Variants in PDK3 observed in about 807,000 individuals in gnomAD.
PDK3 encodes the protein pyruvate dehydrogenase kinase, isozyme 3.
A neutral mutation model predicts 32.0 loss-of-function variants in PDK3; 12 were observed. That is an observed-to-expected ratio of 0.37 (90% CI 0.24 to 0.61). PDK3 has a LOEUF of 0.61. PDK3 is among the 20% of genes least tolerant of loss of function. The pLI, the probability that PDK3 is intolerant of heterozygous loss-of-function variation, is 0.65. For synonymous variants in PDK3, 122 were observed against 116.3 expected (o/e 1.05, Z -0.31); for missense variants, 188 against 316.9 (o/e 0.59, Z 3.09).
intron 2 of PDK3, among the ~76,000 whole-genome samples, chrX:24,497,701 T>C (rs1423332547): frequency 8.8e-6 from 1 of 113,114 alleles, no homozygotes; most frequent in Non-Finnish European, 1.9e-5. Context: ...AGTATTTATA[T>C]GTGTAACAGT....
intron 1 of PDK3, among the ~76,000 whole-genome samples, chrX:24,474,250 A>C (rs1921048147): frequency 9.0e-6 from 1 of 111,069 alleles, no homozygotes; most frequent in Non-Finnish European, 1.9e-5. Context: ...GTAACCTCTT[A>C]CAGCTTCCTC....
chrX:24,507,972 C>A (rs1208236318), intron 5 of PDK3, among the ~76,000 whole-genome samples: 1 of 111,564 alleles, frequency 9.0e-6, no homozygotes, highest in Non-Finnish European at 1.9e-5. Flanking sequence ...GCTCATTATA[C>A]TATGCTCTGT....
chrX:24,521,176 G>A (rs1922386919), intron 6 of PDK3, among the ~76,000 whole-genome samples: 1 of 108,012 alleles, frequency 9.3e-6, no homozygotes, highest in South Asian at 4.2e-4. Flanking sequence ...CTACTCAGGA[G>A]GCTGAAGTGG....
At position 24,503,492 on chromosome X, in the gene PDK3, C is replaced by T. The variant is rs1479754596; in HGVS notation, c.486C>T (p.Arg162=). ...TTTATACCAACCGCATCTCTTTCCG[C>T]ATGCTTATTAATCAGCACAGTAAGT... ...DRFYTNRISF[R]MLINQHTLLF... is the part of the protein sequence containing the mutation. Residue 162 remains arginine (R), a synonymous_variant, in exon 4 of 11, where the codon CGC becomes CGT. Coordinates refer to ENST00000379162, the MANE Select transcript of PDK3 (RefSeq NM_005391.5). 7 of 1,190,693 alleles carry T rather than the reference C, an allele frequency of 5.9e-6. No individual in the cohort carries two copies. The highest frequency in any genetic ancestry group is 7.9e-6 in the Non-Finnish European group (7 of 884,647).
chrX:24,527,522 T>G, intron 7 of PDK3, 52 bp from the exon 8 acceptor site: 2 of 729,859 alleles, frequency 2.7e-6, no homozygotes, highest in East Asian at 3.5e-5. Context: ...TCTTTAAAAA[T>G]TGTGGTTTGT....
At position 24,531,049 on chromosome X, in the gene PDK3, T is replaced by TGTG. The variant is rs1922635329; in HGVS notation, c.964-608_964-607insGTG. On this transcript the variant is annotated intron_variant, in intron 9 of 10. Transcript: ENST00000379162. ...ATTCCACTTGATTTGGAATGTGCTT[T>TGTG]TGTGTGTGTGTGTGTGTGTGTGTGT... is the stretch of plus-strand genomic sequence containing the variant. 3.1e-5 allele frequency among the ~76,000 whole-genome samples: 3 copies of TGTG among 98,171 alleles called. No homozygotes were observed. The South Asian group carries it at 1.5e-3, about 50-fold the overall frequency. The allele number at this position is 98,171 out of a possible 115,157, so 85.2% of individuals were successfully genotyped here.
intron 1 of PDK3, among the ~76,000 whole-genome samples, chrX:24,483,166 G>A (rs1921304508): frequency 8.9e-6 from 1 of 112,287 alleles, no homozygotes; most frequent in African/African-American, 3.2e-5. Flanking sequence ...CAGCTCTTTT[G>A]TGCTTTGAGA....
At chrX:24,531,053 G>GTGTA (rs749162693) in intron 9 of PDK3, among the ~76,000 whole-genome samples, 110 of 108,040 alleles carry the variant, frequency 1.0e-3, no homozygotes, top group African/African-American at 3.5e-3. Flanking sequence ...GTGCTTTTGT[G>GTGTA]TGTGTGTGTG....
At chrX:24,508,653 A>G (rs1922042140) in intron 5 of PDK3, among the ~76,000 whole-genome samples, 1 of 111,163 alleles carries the variant, frequency 9.0e-6, no homozygotes, top group Non-Finnish European at 1.9e-5. Flanking sequence ...TATGGCACTT[A>G]CTGTCTGTGT....
At chrX:24,479,967 G>A (rs926475011) in intron 1 of PDK3, among the ~76,000 whole-genome samples, 10 of 111,389 alleles carry the variant, frequency 9.0e-5, no homozygotes, top group East Asian at 2.8e-4. Flanking sequence ...TGACTCACAC[G>A]TATAATAGGT....
intron 8 of PDK3, 55 bp downstream of exon 8, chrX:24,527,730 C>A: frequency 1.5e-6 from 1 of 675,415 alleles, no homozygotes; most frequent in Non-Finnish European, 2.2e-6. Flanking sequence ...TTAATAGTAT[C>A]TAGACATTGA....
chrX:24,526,815 TAG>T (rs1438811727), intron 7 of PDK3, among the ~76,000 whole-genome samples: 5 of 111,445 alleles, frequency 4.5e-5, no homozygotes, highest in Admixed American at 2.9e-4. Flanking sequence ...CCAAATTCTT[TAG>T]AGTCTGCAAC....
Position 24,527,682 on chromosome X carries a change from GTT to G in PDK3, c.852+10_852+11del, listed in dbSNP as rs1299324385. The G allele has an allele frequency of 3.1e-6, 3 of 972,094 alleles. No individual in the cohort carries two copies. The South Asian group carries it at 6.3e-5, about 20-fold the overall frequency. 80.1% of individuals were successfully genotyped at this position (972,094 alleles called of 1,213,427 possible). ...AGAAGACTTATCCATTAAGGTAACTGTTTTATGTGCATGTATACTTTAATTAT... is the reference window on the plus strand; with the variant it reads ...AGAAGACTTATCCATTAAGGTAACTGTTATGTGCATGTATACTTTAATTAT... On this transcript the variant is annotated splice_region_variant and intron_variant, in intron 8 of 10. Transcript: ENST00000379162.
chrX:24,521,475 C>G (rs1194705585), intron 6 of PDK3, among the ~76,000 whole-genome samples: 2 of 110,376 alleles, frequency 1.8e-5, no homozygotes, highest in African/African-American at 6.6e-5. Context: ...GAGTCATGTC[C>G]CCATTGAATA....
intron 6 of PDK3, among the ~76,000 whole-genome samples, chrX:24,522,408 T>A (rs1320958540): frequency 7.2e-5 from 8 of 111,563 alleles, no homozygotes; most frequent in African/African-American, 2.3e-4. Context: ...TGCAGGTAAT[T>A]GAGCAAGCCT....
At chrX:24,479,721 G>T (rs761152026) in intron 1 of PDK3, among the ~76,000 whole-genome samples, 2 of 110,505 alleles carry the variant, frequency 1.8e-5, no homozygotes, top group Non-Finnish European at 3.8e-5. Context: ...GGAGGCAGAG[G>T]TTGCAGTGAA....
At chrX:24,476,895 A>G (rs188082826) in intron 1 of PDK3, among the ~76,000 whole-genome samples, 1 of 112,327 alleles carries the variant, frequency 8.9e-6, no homozygotes, top group African/African-American at 3.2e-5. Context: ...AATGTTTACT[A>G]TCTGGTCCCG....
chrX:24,490,602 A>G lies in PDK3; in HGVS notation c.107-4140A>G, dbSNP rs763779587. Reference sequence around the variant, plus strand: ...CAGACCTGAACTGACTTGATTCCATAGTCCTTATCCTACTTACTGGAAATG... The same window carrying G: ...CAGACCTGAACTGACTTGATTCCATGGTCCTTATCCTACTTACTGGAAATG... On this transcript the variant is annotated intron_variant, in intron 1 of 10. Transcript: ENST00000379162. 1.3e-3 allele frequency among the ~76,000 whole-genome samples: 146 copies of G among 112,043 alleles called. 1 individual carries two copies. The highest frequency in any genetic ancestry group is 2.3e-3 in the Non-Finnish European group (121 of 53,233).
At chrX:24,526,629 G>T (rs1922530162) in intron 7 of PDK3, among the ~76,000 whole-genome samples, 1 of 112,224 alleles carries the variant, frequency 8.9e-6, no homozygotes, top group Non-Finnish European at 1.9e-5. Flanking sequence ...ATAAAAACAT[G>T]TTTATACATA....
Sources: gnomAD v4.1 joint callset for allele counts (sites outside exome capture counted in the v4.1 genomes callset) on GRCh38, gnomAD v4.1.1 for gene constraint, MANE v1.5 for transcripts, NCBI Gene and HGNC (gene_info 2026-07-23, HGNC 2026-07-21) for gene names.